The following WWOX variants were observed in gnomAD, a reference collection of about 807,000 sequenced individuals.
WWOX encodes WW domain containing oxidoreductase.
In WWOX, 69 loss-of-function variants were observed where a neutral mutation model predicts 46.2. The ratio of observed to expected loss-of-function variants is 1.49; its 90% confidence interval spans 1.23 to 1.82. The LOEUF (loss-of-function observed/expected upper bound fraction) is 1.82. WWOX is among the 40% of genes most tolerant of loss of function. The pLI is 0.00. For missense variants in WWOX, 919 were observed against 542.6 expected, an observed-to-expected ratio of 1.69 and a Z score of -6.89; for synonymous variants, 359 against 202.6, an observed-to-expected ratio of 1.77 and a Z score of -6.56.
At chr16:78,105,120 G>T (rs1053376020) in intron 1 of WWOX, among the ~76,000 whole-genome samples, 1 of 152,192 alleles carries the variant, frequency 6.6e-6, no homozygotes, top group Non-Finnish European at 1.5e-5. Context: ...CTGGGGTATT[G>T]GCATCTGATG....
chr16:78,547,232 C>G (rs2044062154), intron 8 of WWOX, among the ~76,000 whole-genome samples: 1 of 150,168 alleles, frequency 6.7e-6, no homozygotes. Flanking sequence ...ATTGATTGAG[C>G]CTTTACATTG....
At chr16:78,733,240 T>C (rs983961086) in intron 8 of WWOX, among the ~76,000 whole-genome samples, 1 of 152,164 alleles carries the variant, frequency 6.6e-6, no homozygotes, top group African/African-American at 2.4e-5. Flanking sequence ...AAAGGATCCC[T>C]GAAAATAAAT....
At chr16:78,706,382 C>A (rs1054813946) in intron 8 of WWOX, among the ~76,000 whole-genome samples, 1 of 152,152 alleles carries the variant, frequency 6.6e-6, no homozygotes, top group African/African-American at 2.4e-5. Flanking sequence ...TAGATGCCTT[C>A]TCCAGGAATC....
chr16:79,031,893 CAGATATCTAT>C (rs1567501192), intron 8 of WWOX, among the ~76,000 whole-genome samples: 2 of 66,024 alleles, frequency 3.0e-5, no homozygotes, highest in Non-Finnish European at 7.8e-5. Context: ...TATCTGTATA[CAGATATCTAT>C]ATATATAGAT....
intron 8 of WWOX, among the ~76,000 whole-genome samples, chr16:78,958,069 G>T (rs1309369867): frequency 6.6e-6 from 1 of 152,118 alleles, no homozygotes; most frequent in Non-Finnish European, 1.5e-5. Flanking sequence ...AACTAACATT[G>T]CCTGGGTCTT....
At chr16:78,423,986 C>T (rs1215388100) in intron 6 of WWOX, among the ~76,000 whole-genome samples, 2 of 151,898 alleles carry the variant, frequency 1.3e-5, no homozygotes, top group Non-Finnish European at 2.9e-5. Context: ...ACAACATGTG[C>T]CCTTCTCTTT....
chr16:78,533,739 C>G (rs1196065194), intron 8 of WWOX, among the ~76,000 whole-genome samples: 1 of 152,202 alleles, frequency 6.6e-6, no homozygotes, highest in Non-Finnish European at 1.5e-5. Context: ...GTTATTCCCT[C>G]CAGAAAGCCT....
At chr16:78,710,942 C>G (rs1333725457) in intron 8 of WWOX, among the ~76,000 whole-genome samples, 1 of 152,042 alleles carries the variant, frequency 6.6e-6, no homozygotes, top group Non-Finnish European at 1.5e-5. Context: ...ATTTTTTCTC[C>G]TTTCTTTTCA....
intron 8 of WWOX, among the ~76,000 whole-genome samples, chr16:78,621,592 CTTTTTTT>C (rs34182797): frequency 0.01 from 322 of 31,502 alleles, 1 homozygote; most frequent in African/African-American, 0.024. Flanking sequence ...TTGTTCTAAT[CTTTTTTT>C]TTTTTTTTTT....
intron 8 of WWOX, among the ~76,000 whole-genome samples, chr16:78,884,440 C>T (rs2044410727): frequency 2.0e-5 from 3 of 151,906 alleles, no homozygotes; most frequent in Non-Finnish European, 4.4e-5. Context: ...GTAAACCACC[C>T]AGATATCTAT....
chr16:78,738,056 G>T (rs536023458), intron 8 of WWOX, among the ~76,000 whole-genome samples: 1 of 152,160 alleles, frequency 6.6e-6, no homozygotes, highest in East Asian at 1.9e-4. Context: ...GTCAAGGTGG[G>T]CTCCTAAGTG....
intron 8 of WWOX, among the ~76,000 whole-genome samples, chr16:78,647,177 G>T (rs149910695): frequency 3.3e-5 from 5 of 152,122 alleles, no homozygotes; most frequent in African/African-American, 1.2e-4. Context: ...CAGCCTCTGG[G>T]AATCACTGAA....
At chr16:78,787,287 G>A (rs1001893582) in intron 8 of WWOX, among the ~76,000 whole-genome samples, 9 of 152,152 alleles carry the variant, frequency 5.9e-5, no homozygotes, top group East Asian at 1.9e-4. Flanking sequence ...ACCATCCCCC[G>A]CTAAAGAAAC....
At chr16:78,609,777 A>G (rs1162665151) in intron 8 of WWOX, among the ~76,000 whole-genome samples, 2 of 152,226 alleles carry the variant, frequency 1.3e-5, no homozygotes, top group African/African-American at 4.8e-5. Context: ...ACAGGAAGCT[A>G]TACCATGCAA....
intron 8 of WWOX, among the ~76,000 whole-genome samples, chr16:79,131,360 C>A (rs888277498): frequency 1.3e-5 from 2 of 152,008 alleles, no homozygotes; most frequent in African/African-American, 4.8e-5. Flanking sequence ...ACAAAGAGAG[C>A]CTGAAAAGCA....
chr16:78,648,651 C>G (rs150531172), intron 8 of WWOX, among the ~76,000 whole-genome samples: 1 of 152,178 alleles, frequency 6.6e-6, no homozygotes, highest in Non-Finnish European at 1.5e-5. Context: ...ACCAATCATA[C>G]AGGATGTCCT....
chr16:78,528,964 T>C lies in WWOX; in HGVS notation c.1056+96212T>C, dbSNP rs77062882. Among the ~76,000 whole-genome samples, 192 of 137,558 alleles carry C rather than the reference T, an allele frequency of 1.4e-3. 4 individuals are homozygous for C. In the South Asian group the frequency reaches 0.054, roughly 38 times the overall value. 90.2% of individuals were successfully genotyped at this position (137,558 alleles called of 152,430 possible). The stretch of plus-strand genomic sequence containing the variant: ...TTTTCTTTTCTTTCTTTCTTTCTTT[T>C]TTTTTTTTAGGGAGGGTCTGGCTGT... On this transcript the variant is annotated intron_variant, in intron 8 of 8. Coordinates refer to ENST00000566780, the MANE Select transcript of WWOX (RefSeq NM_016373.4).
intron 8 of WWOX, chr16:78,994,400 G>A (rs916694197): frequency 2.0e-5 from 3 of 152,160 alleles, no homozygotes; most frequent in African/African-American, 7.2e-5. Flanking sequence ...TTGATACAAA[G>A]GTTATTTTTA....
chr16:78,841,384 A>G (rs191853534), intron 8 of WWOX, among the ~76,000 whole-genome samples: 1 of 152,220 alleles, frequency 6.6e-6, no homozygotes, highest in Non-Finnish European at 1.5e-5. Flanking sequence ...CGAGCAGCTC[A>G]TGAGAGCAGA....
Sources: allele counts gnomAD v4.1 joint callset (sites outside exome capture counted in the v4.1 genomes callset), GRCh38; gene constraint gnomAD v4.1.1; transcripts MANE v1.5; gene names NCBI Gene and HGNC (gene_info 2026-07-23, HGNC 2026-07-21).